LINGO2: variants seen among roughly 807,000 people sequenced by gnomAD.
The protein encoded by LINGO2 is leucine rich repeat and Ig domain containing 2.
In LINGO2, 14 loss-of-function variants were observed where a neutral mutation model predicts 30.6. The observed-to-expected ratio is 0.46, with a 90% CI of 0.30 to 0.72. The LOEUF is 0.72. LINGO2 is among the 30% of genes least tolerant of loss of function. LINGO2 has a pLI of 0.07. For synonymous variants in LINGO2, 317 were observed against 288.5 expected (o/e 1.10, Z -1.00); for missense variants, 729 against 751.7 (o/e 0.97, Z 0.35).
intron 5 of LINGO2, among the ~76,000 whole-genome samples, chr9:27,968,182 G>C (rs978600778): frequency 2.6e-5 from 4 of 152,076 alleles, no homozygotes; most frequent in Non-Finnish European, 5.9e-5. Context: ...TTATAGTCTA[G>C]TAAGGAAACT....
At chr9:28,191,235 G>A (rs1359075817) in intron 4 of LINGO2, among the ~76,000 whole-genome samples, 3 of 152,154 alleles carry the variant, frequency 2.0e-5, no homozygotes, top group East Asian at 3.8e-4. Context: ...AAATAACTTC[G>A]CTTCACAGCG....
At chr9:28,819,955 C>A in the LINGO2 span, among the ~76,000 whole-genome samples, 3 of 152,078 alleles carry the variant, frequency 2.0e-5, no homozygotes, top group Non-Finnish European at 4.4e-5. Flanking sequence ...TCACCAAAAT[C>A]CCCCACCCTC....
At chr9:28,401,161 C>CT (rs915860207) in intron 2 of LINGO2, among the ~76,000 whole-genome samples, 1 of 151,822 alleles carries the variant, frequency 6.6e-6, no homozygotes, top group Admixed American at 6.6e-5. Flanking sequence ...TTTAAATGTT[C>CT]TTTTTTTTCC....
At chr9:28,836,898 C>A in the LINGO2 span, among the ~76,000 whole-genome samples, 2 of 152,102 alleles carry the variant, frequency 1.3e-5, no homozygotes, top group African/African-American at 4.8e-5. Flanking sequence ...TAACACATTG[C>A]AATTCTATTT....
At chr9:28,844,014 C>T in the LINGO2 span, among the ~76,000 whole-genome samples, 1 of 151,720 alleles carries the variant, frequency 6.6e-6, no homozygotes, top group African/African-American at 2.4e-5. Flanking sequence ...ATTCTATGTA[C>T]CTGTAGCTAT....
the LINGO2 span, among the ~76,000 whole-genome samples, chr9:28,868,589 T>C: frequency 1.3e-5 from 2 of 152,244 alleles, no homozygotes; most frequent in African/African-American, 4.8e-5. Context: ...AATTTAATTG[T>C]TTAGTTATTT....
At chr9:28,542,936 G>A (rs1249763107) in intron 1 of LINGO2, among the ~76,000 whole-genome samples, 2 of 152,046 alleles carry the variant, frequency 1.3e-5, no homozygotes, top group Non-Finnish European at 2.9e-5. Flanking sequence ...GTCTAGGAAT[G>A]GGCAGAAAGG....
At chr9:28,936,868 G>A in the LINGO2 span, among the ~76,000 whole-genome samples, 2 of 152,144 alleles carry the variant, frequency 1.3e-5, no homozygotes, top group Non-Finnish European at 2.9e-5. Flanking sequence ...CCTGGAGGCT[G>A]TAAGTCCAAC....
At chr9:28,468,345 G>C (rs1825392205) in intron 2 of LINGO2, among the ~76,000 whole-genome samples, 1 of 152,148 alleles carries the variant, frequency 6.6e-6, no homozygotes, top group African/African-American at 2.4e-5. Flanking sequence ...GCACTGCCAA[G>C]GCACTAGTTT....
intron 4 of LINGO2, among the ~76,000 whole-genome samples, chr9:28,140,574 C>T (rs1325959551): frequency 1.3e-5 from 2 of 152,226 alleles, no homozygotes; most frequent in East Asian, 3.9e-4. Flanking sequence ...TTTTCTCTCA[C>T]TGAAGGCTAT....
the LINGO2 span, among the ~76,000 whole-genome samples, chr9:28,807,011 T>C: frequency 1.1e-4 from 16 of 151,150 alleles, no homozygotes; most frequent in African/African-American, 3.9e-4. Context: ...TATTATTATT[T>C]TTATAATTAT....
At chr9:28,034,359 G>GA (rs1823830095) in intron 4 of LINGO2, among the ~76,000 whole-genome samples, 1 of 152,180 alleles carries the variant, frequency 6.6e-6, no homozygotes, top group South Asian at 2.1e-4. Flanking sequence ...TGTTTCCCGA[G>GA]AAGCCCGTTC....
At chr9:28,255,519 A>C (rs1292292229) in intron 4 of LINGO2, among the ~76,000 whole-genome samples, 5 of 152,106 alleles carry the variant, frequency 3.3e-5, no homozygotes, top group Non-Finnish European at 7.4e-5. Context: ...GACTTTAAAA[A>C]TATGATGTAT....
At chr9:28,440,773 C>T (rs1352513424) in intron 2 of LINGO2, among the ~76,000 whole-genome samples, 3 of 152,200 alleles carry the variant, frequency 2.0e-5, no homozygotes, top group Non-Finnish European at 4.4e-5. Context: ...AAACATACTA[C>T]ATATGCCTCA....
intron 1 of LINGO2, among the ~76,000 whole-genome samples, chr9:28,575,927 T>TAC (rs3065641): frequency 0.18 from 27,402 of 149,392 alleles, 2,789 homozygotes; most frequent in Admixed American, 0.31. Flanking sequence ...AGCCTTGAAA[T>TAC]ACACACACAC....
chr9:28,005,533 G>A (rs757732009), intron 5 of LINGO2, among the ~76,000 whole-genome samples: 18 of 151,888 alleles, frequency 1.2e-4, no homozygotes, highest in Non-Finnish European at 2.6e-4. Context: ...CTTGGTATTC[G>A]GTGTTCCAAA....
chr9:28,631,765 T>C lies in LINGO2; in HGVS notation c.-365+38435A>G, dbSNP rs566875451. On this transcript the variant is annotated intron_variant, in intron 1 of 5. Transcript: ENST00000379992. ...TCCTCACTTGTGGAGGACAGTGAAA[T>C]TTGGGACTTCATTCAGACTCAAATT... is the stretch of plus-strand genomic sequence containing the variant. 1.3e-5 allele frequency among the ~76,000 whole-genome samples: 2 copies of C among 152,126 alleles called. 1 individual carries two copies. The highest frequency in any genetic ancestry group is 4.1e-4 in the South Asian group (2 of 4,826).
intron 2 of LINGO2, among the ~76,000 whole-genome samples, chr9:28,467,624 T>C (rs2135153277): frequency 6.6e-6 from 1 of 152,266 alleles, no homozygotes; most frequent in African/African-American, 2.4e-5. Context: ...AAAACTACAG[T>C]AAAATTGAAG....
the LINGO2 span, among the ~76,000 whole-genome samples, chr9:29,038,019 A>G: frequency 6.6e-6 from 1 of 152,050 alleles, no homozygotes; most frequent in Non-Finnish European, 1.5e-5. Flanking sequence ...ATACTTCATA[A>G]AGTATTTATG....
Sources: gnomAD v4.1 joint callset for allele counts (sites outside exome capture counted in the v4.1 genomes callset) on GRCh38, gnomAD v4.1.1 for gene constraint, MANE v1.5 for transcripts, NCBI Gene and HGNC (gene_info 2026-07-23, HGNC 2026-07-21) for gene names.